Variants in RYR3 observed in about 807,000 individuals in gnomAD.
RYR3 encodes the protein brain ryanodine receptor-calcium release channel.
RYR3 carries 207 observed loss-of-function variants against 584.3 expected under a neutral mutation model. The observed-to-expected ratio is 0.35, with a 90% confidence interval of 0.32 to 0.40. The LOEUF (loss-of-function observed/expected upper bound fraction) is 0.40, where lower values mean the gene tolerates loss of function less well. Ranked by LOEUF, RYR3 falls within the 10% of genes least tolerant of loss-of-function variation. RYR3 has a pLI of 1.00. For synonymous variants in RYR3, 2,416 were observed against 2,248.5 expected (o/e 1.07, Z -2.11); for missense variants, 5,616 against 6,089.2 (o/e 0.92, Z 2.59).
Position 33,748,167 on chromosome 15 carries a change from T to C in RYR3, c.8043T>C (p.Ala2681=), listed in dbSNP as rs367760286. The change falls in exon 54 of 104, where the codon GCT becomes GCC. Residue 2681 remains alanine, a synonymous_variant. Coordinates refer to ENST00000634891, the MANE Select transcript of RYR3 (RefSeq NM_001036.6). ...GAGAGTCCCTGAAAACCATGCTGGC[T>C]GTGGGCTGGACTGTGGAGAGGACCA... The part of the protein sequence containing the change: ...PARESLKTML[A]VGWTVERTKE... The C allele has an allele frequency of 9.2e-5, 149 of 1,613,754 alleles. No individual in the cohort carries two copies. The highest frequency in any genetic ancestry group is 1.2e-4 in the Non-Finnish European group (138 of 1,179,810).
In RYR3 at chr15:33,453,160, T is replaced by G. The variant is rs1020771131; in HGVS notation, c.52-20259T>G. Among the ~76,000 whole-genome samples the G allele has an allele frequency of 2.6e-5, 4 of 152,310 alleles. No individual in the cohort carries two copies. In the East Asian group the frequency reaches 7.7e-4, roughly 29 times the overall value. ...TTCTATCTCAAAGCTCAAAATAAACTAAGACCTTTATTAAATCATCCATTT... is the reference window on the plus strand; with the variant it reads ...TTCTATCTCAAAGCTCAAAATAAACGAAGACCTTTATTAAATCATCCATTT... On this transcript the variant is annotated intron_variant, in intron 1 of 103. Transcript: ENST00000634891.
Position 33,757,462 on chromosome 15 carries a change from G to A in RYR3, c.8584-13G>A. On this transcript the variant is annotated splice_polypyrimidine_tract_variant and intron_variant, in intron 59 of 103. Transcript: ENST00000634891. ...ATAGCTTCCTAGAAGTTGATTTCTG[G>A]TGCGTTTCCCAGGTTCTCCTCCCGC... The A allele has an allele frequency of 6.3e-7, 1 of 1,599,180 alleles. No individual in the cohort carries two copies. Among genetic ancestry groups the A allele is most frequent in the South Asian group, 1.1e-5 (1 of 87,710 alleles).
chr15:33,591,583 A>G (rs1255726770), intron 16 of RYR3, among the ~76,000 whole-genome samples: 2 of 152,254 alleles, frequency 1.3e-5, no homozygotes, highest in Non-Finnish European at 2.9e-5. Flanking sequence ...GAAAATTCTA[A>G]CAGTCACTGT....
At chr15:33,359,027 C>A (rs955012824) in intron 1 of RYR3, among the ~76,000 whole-genome samples, 3 of 152,158 alleles carry the variant, frequency 2.0e-5, no homozygotes, top group African/African-American at 7.2e-5. Flanking sequence ...CAGAGCCAAC[C>A]TATGAAGTAG....
intron 1 of RYR3, among the ~76,000 whole-genome samples, chr15:33,391,146 C>T (rs1303215950): frequency 6.6e-6 from 1 of 152,130 alleles, no homozygotes; most frequent in Non-Finnish European, 1.5e-5. Flanking sequence ...CCCTCCAGCC[C>T]CACCACTCTG....
In RYR3 at chr15:33,840,882, G is replaced by T. The variant is rs375080799; in HGVS notation, c.13036G>T (p.Asp4346Tyr). Residue 4346 changes from aspartate (D) to tyrosine (Y), a missense_variant and splice_region_variant, in exon 90 of 104, where the codon GAC becomes TAC. Around this residue, in one of 9 missense-constraint regions of RYR3, gnomAD observed 918 missense variants for 887.4 expected, o/e 1.03. Transcript: ENST00000634891. Reference protein sequence around the residue: ...AEGKVESEKADMEDGEKEDKD... With the variant: ...AEGKVESEKAYMEDGEKEDKD... Reference sequence around the variant, plus strand: ...AGGAAAAGTAGAATCCGAGAAGGCAGAGTAAGTTCTTGGTAGCATCAACTA... The same window carrying T: ...AGGAAAAGTAGAATCCGAGAAGGCATAGTAAGTTCTTGGTAGCATCAACTA... 3 of 1,613,748 alleles carry T rather than the reference G, an allele frequency of 1.9e-6. No homozygotes were observed. The highest frequency in any genetic ancestry group is 2.5e-6 in the Non-Finnish European group (3 of 1,179,754).
At chr15:33,724,738 AT>A (rs996192110) in intron 45 of RYR3, among the ~76,000 whole-genome samples, 2 of 152,096 alleles carry the variant, frequency 1.3e-5, no homozygotes, top group Non-Finnish European at 2.9e-5. Context: ...AATAAGCCTT[AT>A]TTCATATAAG....
intron 43 of RYR3, among the ~76,000 whole-genome samples, chr15:33,708,923 T>G (rs2066905027): frequency 6.6e-6 from 1 of 151,912 alleles, no homozygotes; most frequent in South Asian, 2.1e-4. Context: ...TTAAATAGAA[T>G]GACGGGGTGA....
At position 33,614,613 on chromosome 15, in the gene RYR3, C is replaced by T. The variant is rs367551252; in HGVS notation, c.2357+1238C>T. Among the ~76,000 whole-genome samples, 16 of 151,998 alleles carry T rather than the reference C, an allele frequency of 1.1e-4. 1 individual carries two copies. In the South Asian group the frequency reaches 3.3e-3, roughly 32 times the overall value. On this transcript the variant is annotated intron_variant, in intron 19 of 103. Coordinates refer to ENST00000634891, the MANE Select transcript of RYR3 (RefSeq NM_001036.6). ...TTTTTGCTAACTTTGTGTTCTCAGC[C>T]TTTCTGATATTTATTTTTTGGTAGA...
intron 57 of RYR3, among the ~76,000 whole-genome samples, chr15:33,753,093 T>G (rs2071478911): frequency 6.6e-6 from 1 of 152,178 alleles, no homozygotes; most frequent in African/African-American, 2.4e-5. Context: ...TTTTTCAAAT[T>G]TCCTCCCTTA....
At chr15:33,472,434 C>T (rs957777460) in intron 1 of RYR3, among the ~76,000 whole-genome samples, 14 of 152,194 alleles carry the variant, frequency 9.2e-5, no homozygotes, top group African/African-American at 3.4e-4. Context: ...CACTGAAGGA[C>T]ATGGAGGTGA....
chr15:33,444,733 C>G (rs1403047862), intron 1 of RYR3, among the ~76,000 whole-genome samples: 1 of 152,130 alleles, frequency 6.6e-6, no homozygotes, highest in Non-Finnish European at 1.5e-5. Context: ...AAGAGCATTG[C>G]AGGTGGAGAG....
rs568950328 is a variant in RYR3 at position 33,521,864 on chromosome 15, C to T, written c.280-8728C>T. 3.3e-5 allele frequency among the ~76,000 whole-genome samples: 5 copies of T among 152,238 alleles called. No individual in the cohort carries two copies. In the South Asian group the frequency reaches 6.2e-4, roughly 19 times the overall value. On this transcript the variant is annotated intron_variant, in intron 3 of 103. Coordinates refer to ENST00000634891, the MANE Select transcript of RYR3 (RefSeq NM_001036.6). ...TCCTGTCTTTTTAGTAAGGCAACTGCTAGCTGACCAAGTAAGACTGCCATG... is the reference window on the plus strand; with the variant it reads ...TCCTGTCTTTTTAGTAAGGCAACTGTTAGCTGACCAAGTAAGACTGCCATG...
rs1462227309 is a variant in RYR3 at position 33,473,441 on chromosome 15, G to A, written c.74G>A (p.Cys25Tyr). ...CAGGAGGATGAAGTGGTACTCCAGT[G>A]CATCGCCACCATTCATAAGGAGCAG... ...LRTEDEVVLQ[C>Y]IATIHKEQRK... The change falls in exon 2 of 104, where the codon TGC becomes TAC. Residue 25 changes from cysteine to tyrosine, a missense_variant. Coordinates refer to ENST00000634891, the MANE Select transcript of RYR3 (RefSeq NM_001036.6). 1 of 1,613,854 alleles carries A rather than the reference G, an allele frequency of 6.2e-7. No individual in the cohort carries two copies. The highest frequency in any genetic ancestry group is 1.7e-5 in the Admixed American group (1 of 60,004).
At chr15:33,577,297 C>A (rs975982297) in intron 12 of RYR3, among the ~76,000 whole-genome samples, 34 of 152,106 alleles carry the variant, frequency 2.2e-4, no homozygotes, top group African/African-American at 8.2e-4. Flanking sequence ...CAGAAAAGAA[C>A]CCATATAACC....
At chr15:33,487,756 C>T (rs1449704093) in intron 2 of RYR3, among the ~76,000 whole-genome samples, 2 of 152,204 alleles carry the variant, frequency 1.3e-5, no homozygotes, top group Non-Finnish European at 2.9e-5. Context: ...ATTTCATATT[C>T]ATCCATATGC....
intron 2 of RYR3, among the ~76,000 whole-genome samples, chr15:33,491,636 C>T (rs1165478501): frequency 6.6e-6 from 1 of 152,170 alleles, no homozygotes; most frequent in Admixed American, 6.5e-5. Context: ...TCATGCAGCA[C>T]CCCTTCCCTG....
intron 2 of RYR3, among the ~76,000 whole-genome samples, chr15:33,493,610 G>T (rs61387874): frequency 0.015 from 2,274 of 152,216 alleles, 46 homozygotes; most frequent in African/African-American, 0.051. Context: ...TCACCTATTG[G>T]CACCTTAGCT....
intron 5 of RYR3, among the ~76,000 whole-genome samples, chr15:33,533,975 G>T (rs895779595): frequency 1.3e-5 from 2 of 152,028 alleles, no homozygotes; most frequent in African/African-American, 4.8e-5. Context: ...GTTTTTGCTT[G>T]CCATAAAAGT....
Sources: allele counts gnomAD v4.1 joint callset (sites outside exome capture counted in the v4.1 genomes callset), GRCh38; gene constraint gnomAD v4.1.1; regional missense constraint gnomAD v4.1.1; transcripts MANE v1.5; gene names NCBI Gene and HGNC (gene_info 2026-07-23, HGNC 2026-07-21).